Variants in KANK1 observed in about 807,000 individuals in gnomAD.
KANK1 encodes KN motif and ankyrin repeat domain-containing protein 1.
KANK1 carries 109 observed loss-of-function variants against 106.2 expected under a neutral mutation model. The ratio of observed to expected loss-of-function variants is 1.03; its 90% CI spans 0.88 to 1.20. The LOEUF (loss-of-function observed/expected upper bound fraction) is 1.20. KANK1 is among the 50% of genes most tolerant of loss of function. KANK1 has a pLI of 0.00. For synonymous variants in KANK1, 873 were observed against 652.2 expected, an observed-to-expected ratio of 1.34 and a Z score of -5.16; for missense variants, 2,399 against 1,710.7, an observed-to-expected ratio of 1.40 and a Z score of -7.10.
intron 1 of KANK1, among the ~76,000 whole-genome samples, chr9:592,509 A>G (rs577016258): frequency 1.3e-5 from 2 of 151,892 alleles, no homozygotes; most frequent in East Asian, 1.9e-4. Flanking sequence ...TTCACTGGAT[A>G]CCTGTGTCTA....
At chr9:603,675 C>A (rs1179547207) in intron 1 of KANK1, among the ~76,000 whole-genome samples, 1 of 151,600 alleles carries the variant, frequency 6.6e-6, no homozygotes, top group Non-Finnish European at 1.5e-5. Flanking sequence ...AAAATGTAGG[C>A]CAGGCATGGT....
At chr9:534,536 G>T (rs539245182) in intron 1 of KANK1, among the ~76,000 whole-genome samples, 10 of 152,332 alleles carry the variant, frequency 6.6e-5, no homozygotes, top group Non-Finnish European at 8.8e-5. Flanking sequence ...AAACATACCA[G>T]CAGAGAATTA....
chr9:583,086 G>T (rs1048328651), intron 1 of KANK1, among the ~76,000 whole-genome samples: 4 of 152,186 alleles, frequency 2.6e-5, no homozygotes, highest in Non-Finnish European at 4.4e-5. Flanking sequence ...GGTTGGTGCA[G>T]AACCTAGTAA....
chr9:732,396 T>C lies in KANK1; in HGVS notation c.3024T>C (p.Ser1008=), dbSNP rs1440201438. 5.0e-6 allele frequency: 8 copies of C among 1,611,694 alleles called. No homozygotes were observed. Among genetic ancestry groups the C allele is most frequent in the Non-Finnish European group, 6.8e-6 (8 of 1,177,946 alleles). Residue 1008 remains serine, a synonymous_variant, in exon 6 of 12, where the codon AGT becomes AGC. Transcript: ENST00000382297. ...CACCTAGGTATGAAACAACTTCAAG[T>C]GATGATTCCAGCTCAGATGAAAGCT... The part of the protein sequence containing the change: ...GINGGYETTS[S]DDSSSDESSS...
intron 2 of KANK1, among the ~76,000 whole-genome samples, chr9:681,514 C>G (rs574823937): frequency 2.6e-5 from 4 of 152,166 alleles, no homozygotes; most frequent in African/African-American, 7.2e-5. Flanking sequence ...GCTTTAGAAG[C>G]CAAATAACAA....
intron 1 of KANK1, among the ~76,000 whole-genome samples, chr9:592,000 C>G (rs1262860863): frequency 1.3e-5 from 2 of 151,678 alleles, no homozygotes; most frequent in Admixed American, 6.6e-5. Flanking sequence ...TCCTGTTTCC[C>G]CCTCCAGCCT....
chr9:536,937 C>T (rs911197832), intron 1 of KANK1, among the ~76,000 whole-genome samples: 1 of 152,148 alleles, frequency 6.6e-6, no homozygotes, highest in Non-Finnish European at 1.5e-5. Context: ...ATCTGTTCCA[C>T]CTGGCTGGCA....
intron 1 of KANK1, among the ~76,000 whole-genome samples, chr9:559,952 G>T (rs539599608): frequency 2.6e-5 from 4 of 152,146 alleles, no homozygotes; most frequent in Admixed American, 2.0e-4. Context: ...ATAGTTATTT[G>T]TATTGTAGTT....
In KANK1 at chr9:694,409, T is replaced by G. The variant is rs533819325; in HGVS notation, c.38-16395T>G. Among the ~76,000 whole-genome samples the G allele has an allele frequency of 2.6e-5, 4 of 152,338 alleles. No homozygotes were observed. In the South Asian group the frequency reaches 8.3e-4, roughly 32 times the overall value. On this transcript the variant is annotated intron_variant, in intron 2 of 11. Transcript: ENST00000382297. Reference sequence around the variant, plus strand: ...TTGGAAAATAACAGTCCAAGCTCATTCTCTTCTGTGCATGCATGATTGATT... The same window carrying G: ...TTGGAAAATAACAGTCCAAGCTCATGCTCTTCTGTGCATGCATGATTGATT...
chr9:726,650 C>G (rs1830730752), intron 3 of KANK1, among the ~76,000 whole-genome samples: 1 of 151,688 alleles, frequency 6.6e-6, no homozygotes, highest in Admixed American at 6.6e-5. Flanking sequence ...AAGAAGAAAA[C>G]TTGAACGGAG....
At chr9:580,678 C>T (rs1249884315) in intron 1 of KANK1, among the ~76,000 whole-genome samples, 4 of 152,246 alleles carry the variant, frequency 2.6e-5, no homozygotes, top group Non-Finnish European at 5.9e-5. Context: ...CTCCAAGTGC[C>T]CACTAGACTC....
At chr9:491,888 C>T (rs1587243311) in intron 3 of KANK1, among the ~76,000 whole-genome samples, 1 of 152,158 alleles carries the variant, frequency 6.6e-6, no homozygotes. Flanking sequence ...TGGGAGTTTC[C>T]CTACACAAGC....
At chr9:605,823 C>G (rs1033433846) in intron 1 of KANK1, among the ~76,000 whole-genome samples, 1 of 151,572 alleles carries the variant, frequency 6.6e-6, no homozygotes, top group East Asian at 1.9e-4. Flanking sequence ...GCCACTGTGC[C>G]CAGATTTTAT....
intron 3 of KANK1, among the ~76,000 whole-genome samples, chr9:490,215 TAGAC>T (rs2058354800): frequency 6.6e-6 from 1 of 152,164 alleles, no homozygotes; most frequent in Non-Finnish European, 1.5e-5. Flanking sequence ...GTTAAACAAA[TAGAC>T]AGTCAGGCAC....
intron 3 of KANK1, among the ~76,000 whole-genome samples, chr9:721,989 G>A (rs951681109): frequency 3.3e-5 from 5 of 152,190 alleles, no homozygotes; most frequent in South Asian, 2.1e-4. Context: ...GAGGTGTACC[G>A]AAACCCAAGG....
intron 1 of KANK1, among the ~76,000 whole-genome samples, chr9:519,690 C>G (rs2059458286): frequency 6.6e-6 from 1 of 151,718 alleles, no homozygotes; most frequent in Non-Finnish European, 1.5e-5. Context: ...AAGTTTATAA[C>G]CTCGATCCTT....
intron 1 of KANK1, among the ~76,000 whole-genome samples, chr9:626,032 A>G (rs994338120): frequency 6.6e-6 from 1 of 152,108 alleles, no homozygotes; most frequent in South Asian, 2.1e-4. Flanking sequence ...AGCTCGGTGC[A>G]CTTGTTTTCT....
At chr9:587,746 C>T (rs1823859308) in intron 1 of KANK1, among the ~76,000 whole-genome samples, 1 of 151,968 alleles carries the variant, frequency 6.6e-6, no homozygotes, top group Non-Finnish European at 1.5e-5. Flanking sequence ...TTTTATTATC[C>T]TCATTTACAC....
chr9:593,845 G>A (rs1234507161), intron 1 of KANK1, among the ~76,000 whole-genome samples: 1 of 151,882 alleles, frequency 6.6e-6, no homozygotes, highest in Non-Finnish European at 1.5e-5. Context: ...TGGACTTCTA[G>A]GGAATGGGAT....
Sources: allele counts gnomAD v4.1 joint callset (sites outside exome capture counted in the v4.1 genomes callset), GRCh38; gene constraint gnomAD v4.1.1; transcripts MANE v1.5; gene names NCBI Gene and HGNC (gene_info 2026-07-23, HGNC 2026-07-21).